Variants in LRPPRC observed in about 807,000 individuals in gnomAD.
LRPPRC encodes the protein leucine rich pentatricopeptide repeat containing, also known as leucine-rich PPR motif-containing protein, mitochondrial.
A neutral mutation model predicts 180.3 loss-of-function variants in LRPPRC; 120 were observed. The ratio of observed to expected loss-of-function variants is 0.67; its 90% CI spans 0.57 to 0.77. The LOEUF (loss-of-function observed/expected upper bound fraction) is 0.77, where lower values mean the gene tolerates loss of function less well. Among genes scored for constraint, LRPPRC ranks in the 30% least tolerant of loss-of-function variants. The pLI is 0.00. For synonymous variants in LRPPRC, 723 were observed against 600.0 expected (o/e 1.21, Z -3.00); for missense variants, 2,012 against 1,657.2 (o/e 1.21, Z -3.72).
intron 3 of LRPPRC, among the ~76,000 whole-genome samples, chr2:43,977,968 A>G (rs1394067246): frequency 1.3e-5 from 2 of 152,160 alleles, no homozygotes; most frequent in Non-Finnish European, 1.5e-5. Context: ...ATACAGGCCT[A>G]TGGTTAGTAT....
intron 34 of LRPPRC, 24 bp downstream of exon 34, chr2:43,899,195 G>A (rs1473790931): frequency 1.3e-6 from 2 of 1,518,816 alleles, no homozygotes; most frequent in Non-Finnish European, 1.8e-6. Context: ...GAGCCCCACT[G>A]CTCCATGAGT....
intron 27 of LRPPRC, among the ~76,000 whole-genome samples, chr2:43,923,177 T>TA (rs9309110): frequency 0.43 from 56,694 of 130,444 alleles, 13,254 homozygotes; most frequent in East Asian, 0.95. Flanking sequence ...TTTGTTTCTT[T>TA]AAAAAAAAAA....
intron 23 of LRPPRC, among the ~76,000 whole-genome samples, chr2:43,942,873 G>A (rs1052412054): frequency 1.3e-5 from 2 of 151,918 alleles, no homozygotes; most frequent in South Asian, 2.1e-4. Flanking sequence ...TTTCAGATAC[G>A]TATATCTTCC....
intron 11 of LRPPRC, among the ~76,000 whole-genome samples, chr2:43,972,096 G>A (rs762878396): frequency 9.2e-5 from 14 of 152,238 alleles, no homozygotes; most frequent in Admixed American, 1.3e-4. Flanking sequence ...GCTGAATATG[G>A]AAGGGTTATA....
At chr2:43,911,500 T>C (rs968673009) in intron 30 of LRPPRC, among the ~76,000 whole-genome samples, 6 of 150,900 alleles carry the variant, frequency 4.0e-5, no homozygotes, top group African/African-American at 1.5e-4. Context: ...GATTATTCCT[T>C]TTCTTTTCTT....
At position 43,915,226 on chromosome 2, in the gene LRPPRC, TCTCTCTCACACACACA is replaced by T. The variant is rs1431173858; in HGVS notation, c.3149-2684_3149-2669del. The stretch of plus-strand genomic sequence containing the variant: ...CTCTCTCTCTCTCTCTCTCTCTCTC[TCTCTCTCACACACACA>T]CACACACACACACACACACACACAC... On this transcript the variant is annotated intron_variant, in intron 29 of 37. Coordinates refer to ENST00000260665, the MANE Select transcript of LRPPRC (RefSeq NM_133259.4). Among the ~76,000 whole-genome samples the T allele has an allele frequency of 1.8e-3, 149 of 84,082 alleles. 1 individual carries two copies. Among genetic ancestry groups the T allele is most frequent in the African/African-American group, 6.1e-3 (105 of 17,314 alleles). 55.2% of individuals were successfully genotyped at this position (84,082 alleles called of 152,430 possible).
At chr2:43,965,947 T>A (rs953545976) in intron 11 of LRPPRC, among the ~76,000 whole-genome samples, 2 of 152,052 alleles carry the variant, frequency 1.3e-5, no homozygotes, top group African/African-American at 4.8e-5. Context: ...AACTTAGAAG[T>A]AGAATTACCA....
intron 14 of LRPPRC, among the ~76,000 whole-genome samples, chr2:43,951,745 C>T (rs1672910780): frequency 6.6e-6 from 1 of 151,988 alleles, no homozygotes; most frequent in South Asian, 2.1e-4. Context: ...TTAAAAATTC[C>T]AAAATAAAAA....
chr2:43,889,197 C>A (rs1670386784), intron 37 of LRPPRC, among the ~76,000 whole-genome samples: 2 of 151,386 alleles, frequency 1.3e-5, no homozygotes. Flanking sequence ...CCCCTGTAAT[C>A]CCAGCTACTT....
intron 13 of LRPPRC, 79 bp downstream of exon 13, chr2:43,960,462 T>C: frequency 1.2e-6 from 1 of 826,922 alleles, no homozygotes; most frequent in East Asian, 2.4e-5. Flanking sequence ...TTGCTTTCAT[T>C]GCGTGAACCA....
intron 23 of LRPPRC, among the ~76,000 whole-genome samples, chr2:43,942,436 A>G (rs759346105): frequency 1.5e-4 from 23 of 152,114 alleles, no homozygotes; most frequent in Non-Finnish European, 3.1e-4. Flanking sequence ...TATTTGAATC[A>G]CTATTTCTTT....
At position 43,947,738 on chromosome 2, in the gene LRPPRC, A is replaced by G; in HGVS notation, c.1958T>C (p.Phe653Ser). ...AGTCAAAATCCTACTTACTTTTTGA[A>G]AGTCTAAATTCTTACTCTCAACCAA... The part of the protein sequence containing the change: ...HLLVESKNLD[F>S]QKTVQLTSSE... The change falls in exon 19 of 38, where the codon TTT (phenylalanine) becomes TCT (serine). Residue 653 changes from phenylalanine (F) to serine (S), a missense_variant. Coordinates refer to ENST00000260665, the MANE Select transcript of LRPPRC (RefSeq NM_133259.4). 1 of 1,575,474 alleles carries G rather than the reference A, an allele frequency of 6.3e-7. No individual in the cohort carries two copies. Among genetic ancestry groups the G allele is most frequent in the Non-Finnish European group, 8.7e-7 (1 of 1,145,122 alleles).
rs543900309 is a variant in LRPPRC, at chr2:43,952,225, G to C, written c.1650-1625C>G. 3.3e-5 allele frequency among the ~76,000 whole-genome samples: 5 copies of C among 152,042 alleles called. No homozygotes were observed. In the East Asian group the frequency reaches 9.6e-4, roughly 29 times the overall value. On this transcript the variant is annotated intron_variant, in intron 14 of 37. Coordinates refer to ENST00000260665, the MANE Select transcript of LRPPRC (RefSeq NM_133259.4). Reference sequence around the variant, plus strand: ...AAAAAAAAAAACAACTGGATATTAAGCTGCCCTCAAACGTGGCATGAAGTA... The same window carrying C: ...AAAAAAAAAAACAACTGGATATTAACCTGCCCTCAAACGTGGCATGAAGTA...
At chr2:43,983,610 G>C (rs1476160251) in intron 1 of LRPPRC, among the ~76,000 whole-genome samples, 1 of 152,038 alleles carries the variant, frequency 6.6e-6, no homozygotes. Flanking sequence ...AAATATCTTA[G>C]TTACAGCAGC....
rs1183844457 is a variant in LRPPRC, at chr2:43,901,503, G to A, written c.3386C>T (p.Thr1129Ile). ...YLKEAVTTLKTVLDQQQTPSR... is the reference protein window; with the variant it reads ...YLKEAVTTLKIVLDQQQTPSR... Reference sequence around the variant, plus strand: ...AGGGGTCTGCTGCTGATCCAATACTGTTTTCAGTGTTGTCACAGCCTCTAA... The same window carrying A: ...AGGGGTCTGCTGCTGATCCAATACTATTTTCAGTGTTGTCACAGCCTCTAA... The change falls in exon 32 of 38, where the codon ACA (threonine) becomes ATA (isoleucine). Residue 1129 changes from threonine to isoleucine, a missense_variant. By Grantham distance (89) the Thr-to-Ile change is moderately conservative. Transcript: ENST00000260665. 1.2e-6 allele frequency: 2 copies of A among 1,613,166 alleles called. No individual in the cohort carries two copies. Among genetic ancestry groups the A allele is most frequent in the Non-Finnish European group, 8.5e-7 (1 of 1,179,128 alleles).
intron 25 of LRPPRC, among the ~76,000 whole-genome samples, chr2:43,930,234 G>C (rs1209396245): frequency 6.6e-6 from 1 of 152,104 alleles, no homozygotes; most frequent in African/African-American, 2.4e-5. Context: ...CAGCAGATAG[G>C]GAGAGAGGGA....
chr2:43,962,096 G>A (rs896582326), intron 12 of LRPPRC, among the ~76,000 whole-genome samples: 1 of 152,178 alleles, frequency 6.6e-6, no homozygotes, highest in Non-Finnish European at 1.5e-5. Flanking sequence ...AGATGAGAAT[G>A]AATGTAACCA....
chr2:43,965,079 A>G (rs1454781373), intron 11 of LRPPRC, among the ~76,000 whole-genome samples: 1 of 152,054 alleles, frequency 6.6e-6, no homozygotes, highest in Non-Finnish European at 1.5e-5. Context: ...TTGGCTCACT[A>G]CAACCTCCAC....
intron 11 of LRPPRC, among the ~76,000 whole-genome samples, chr2:43,972,945 T>C (rs1673883205): frequency 6.6e-6 from 1 of 152,206 alleles, no homozygotes; most frequent in African/African-American, 2.4e-5. Context: ...CTTTCTGAAT[T>C]ACCAATAATG....
Sources: gnomAD v4.1 joint callset for allele counts (sites outside exome capture counted in the v4.1 genomes callset) on GRCh38, gnomAD v4.1.1 for gene constraint, MANE v1.5 for transcripts, NCBI Gene and HGNC (gene_info 2026-07-23, HGNC 2026-07-21) for gene names.